AGBL4: variants seen among roughly 807,000 people sequenced by gnomAD.
AGBL4 encodes the protein cytosolic carboxypeptidase 6.
A neutral mutation model predicts 66.4 loss-of-function variants in AGBL4; 58 were observed. The observed-to-expected ratio is 0.87, with a 90% CI of 0.71 to 1.09. The LOEUF (loss-of-function observed/expected upper bound fraction) is 1.09. AGBL4 is among the 50% of genes least tolerant of loss of function. The pLI, the probability that AGBL4 is intolerant of heterozygous loss-of-function variation, is 0.00. For synonymous variants in AGBL4, 234 were observed against 222.9 expected, an observed-to-expected ratio of 1.05 and a Z score of -0.44; for missense variants, 579 against 631.0, an observed-to-expected ratio of 0.92 and a Z score of 0.88.
At chr1:49,335,497 T>G (rs1314662454) in intron 3 of AGBL4, among the ~76,000 whole-genome samples, 1 of 152,168 alleles carries the variant, frequency 6.6e-6, no homozygotes, top group Non-Finnish European at 1.5e-5. Context: ...CTAACACACG[T>G]AGAATAAAAT....
intron 3 of AGBL4, among the ~76,000 whole-genome samples, chr1:49,388,721 G>GT (rs1333918923): frequency 2.1e-4 from 32 of 152,088 alleles, no homozygotes; most frequent in Admixed American, 2.1e-3. Context: ...GAAGAGTAAT[G>GT]TCCCCTTAGT....
At chr1:49,970,757 A>AAAC (rs1491328712) in intron 1 of AGBL4, among the ~76,000 whole-genome samples, 88 of 8,630 alleles carry the variant, frequency 0.01, no homozygotes, top group South Asian at 0.063. Flanking sequence ...ATACACAAAC[A>AAAC]AAAAAAAAAA....
chr1:49,429,203 A>G (rs558783808), intron 3 of AGBL4, among the ~76,000 whole-genome samples: 2 of 152,300 alleles, frequency 1.3e-5, no homozygotes, highest in East Asian at 3.9e-4. Flanking sequence ...TTTGTGGGTT[A>G]TACAGTGTCC....
chr1:49,346,465 A>G (rs1049295896), intron 3 of AGBL4, among the ~76,000 whole-genome samples: 3 of 152,176 alleles, frequency 2.0e-5, no homozygotes, highest in Non-Finnish European at 2.9e-5. Flanking sequence ...CTTCTTATTC[A>G]GTTTACTTGG....
intron 3 of AGBL4, among the ~76,000 whole-genome samples, chr1:49,466,331 A>G (rs930823518): frequency 1.3e-5 from 2 of 151,934 alleles, no homozygotes; most frequent in Admixed American, 1.3e-4. Context: ...TTTCACAGGA[A>G]TCAAGATTTG....
At chr1:48,896,777 C>CTT (rs56039901) in intron 5 of AGBL4, among the ~76,000 whole-genome samples, 29 of 150,386 alleles carry the variant, frequency 1.9e-4, no homozygotes, top group East Asian at 9.7e-4. Context: ...TCCTTTCTTT[C>CTT]TTTTTTTTTA....
intron 6 of AGBL4, among the ~76,000 whole-genome samples, chr1:48,739,384 C>T (rs942950094): frequency 2.0e-5 from 3 of 152,208 alleles, no homozygotes; most frequent in African/African-American, 7.2e-5. Flanking sequence ...CACATTTAAT[C>T]CAACTTCCTC....
At chr1:49,939,510 G>A (rs1186421670) in intron 1 of AGBL4, among the ~76,000 whole-genome samples, 1 of 151,610 alleles carries the variant, frequency 6.6e-6, no homozygotes, top group Non-Finnish European at 1.5e-5. Context: ...CAGAGATATA[G>A]ATCAATGGAA....
At chr1:48,777,091 G>A in intron 6 of AGBL4, 2 of 387,298 alleles carry the variant, frequency 5.2e-6, no homozygotes, top group South Asian at 1.3e-4. Context: ...GAAGCGCACT[G>A]CCACTTGCAA....
intron 2 of AGBL4, among the ~76,000 whole-genome samples, chr1:49,851,192 C>A (rs1165150198): frequency 2.0e-5 from 3 of 152,090 alleles, no homozygotes; most frequent in African/African-American, 4.8e-5. Context: ...ATATTACCAT[C>A]AATTATATTT....
chr1:49,478,752 TG>T (rs1268112699), intron 3 of AGBL4, among the ~76,000 whole-genome samples: 1 of 151,960 alleles, frequency 6.6e-6, no homozygotes, highest in African/African-American at 2.4e-5. Flanking sequence ...GACTAGAGTA[TG>T]AACCAATCAA....
intron 3 of AGBL4, among the ~76,000 whole-genome samples, chr1:49,363,120 G>A (rs1644175789): frequency 6.6e-6 from 1 of 152,220 alleles, no homozygotes; most frequent in South Asian, 2.1e-4. Context: ...AATATGAAGC[G>A]AGAAGACTAA....
chr1:48,586,734 G>C (rs1019564067), intron 11 of AGBL4: 5 of 411,108 alleles, frequency 1.2e-5, no homozygotes, highest in Non-Finnish European at 1.8e-5. Flanking sequence ...AGAGAGGGGA[G>C]AGAGATGGAA....
chr1:49,037,991 A>G (rs976620677), intron 5 of AGBL4, among the ~76,000 whole-genome samples: 1 of 152,086 alleles, frequency 6.6e-6, no homozygotes, highest in African/African-American at 2.4e-5. Context: ...TAAAAATGCA[A>G]ATGGGAGAAG....
intron 3 of AGBL4, among the ~76,000 whole-genome samples, chr1:49,482,811 G>C (rs143195903): frequency 1.3e-5 from 2 of 152,062 alleles, no homozygotes; most frequent in East Asian, 1.9e-4. Context: ...AGAGATTGTG[G>C]TATGTTGTAT....
chr1:49,187,087 A>C (rs1647028370), intron 4 of AGBL4, among the ~76,000 whole-genome samples: 1 of 152,224 alleles, frequency 6.6e-6, no homozygotes, highest in Non-Finnish European at 1.5e-5. Context: ...GGTATGAATA[A>C]GATTCAGAAT....
In AGBL4 at chr1:49,738,104, G is replaced by A. The variant is rs150605504; in HGVS notation, c.158-40667C>T. On this transcript the variant is annotated intron_variant, in intron 2 of 13. Transcript: ENST00000371839. ...CACCAAGTATGAGCCGAAGCAGGGC[G>A]AGGAATCCCCTCACCCGGGAAGAGA... Among the ~76,000 whole-genome samples the A allele has an allele frequency of 3.3e-5, 5 of 152,338 alleles. No homozygotes were observed. In the East Asian group the frequency reaches 7.7e-4, roughly 24 times the overall value.
intron 3 of AGBL4, among the ~76,000 whole-genome samples, chr1:49,313,489 C>A (rs552835230): frequency 7.4e-4 from 112 of 152,226 alleles, no homozygotes; most frequent in African/African-American, 2.6e-3. Context: ...ACACTCCCAC[C>A]AACATTGTAA....
At chr1:49,288,079 T>C (rs112039618) in intron 3 of AGBL4, among the ~76,000 whole-genome samples, 2 of 138,270 alleles carry the variant, frequency 1.4e-5, no homozygotes, top group Admixed American at 7.3e-5. Flanking sequence ...ATGGATGAAA[T>C]TGGAAAACAT....
Sources: allele counts gnomAD v4.1 joint callset (sites outside exome capture counted in the v4.1 genomes callset), GRCh38; gene constraint gnomAD v4.1.1; transcripts MANE v1.5; gene names NCBI Gene and HGNC (gene_info 2026-07-23, HGNC 2026-07-21).